The following COL14A1 variants were observed in gnomAD, a reference collection of about 807,000 sequenced individuals.
COL14A1 encodes the protein collagen alpha-1(XIV) chain.
In COL14A1, 136 loss-of-function variants were observed where a neutral mutation model predicts 230.3. That is an observed-to-expected ratio of 0.59 (90% CI 0.51 to 0.68). The LOEUF is 0.68. Ranked by LOEUF, COL14A1 falls within the 30% of genes least tolerant of loss-of-function variation. The pLI is 0.00. For missense variants in COL14A1, 1,976 were observed against 2,215.8 expected (o/e 0.89, Z 2.17); for synonymous variants, 792 against 784.1 (o/e 1.01, Z -0.17).
At chr8:120,227,821 C>G (rs1047597358) in intron 17 of COL14A1, among the ~76,000 whole-genome samples, 1 of 152,204 alleles carries the variant, frequency 6.6e-6, no homozygotes, top group South Asian at 2.1e-4. Flanking sequence ...ATTCATTCAT[C>G]TCTTCATTTT....
chr8:120,283,668 A>G lies in COL14A1; in HGVS notation c.3857A>G (p.Tyr1286Cys). The change falls in exon 32 of 48, where the codon TAC becomes TGC. Residue 1286 changes from tyrosine (Y) to cysteine (C), a missense_variant. By Grantham distance (194) the Tyr-to-Cys change is radical. This residue lies in a region of COL14A1 where 1,791 missense variants were observed against 2,019.5 expected (regional missense o/e 0.89). Transcript: ENST00000297848. ...YLHPEGLPSD[Y>C]TISFLFRILP... ...CACCCAGAAGGATTGCCCTCCGACT[A>G]CACAATCAGTTTTCTATTCCGGATT... The G allele has an allele frequency of 1.2e-6, 2 of 1,613,594 alleles. No homozygotes were observed. The highest frequency in any genetic ancestry group is 1.7e-6 in the Non-Finnish European group (2 of 1,179,832).
intron 45 of COL14A1, among the ~76,000 whole-genome samples, chr8:120,351,605 A>T (rs1822784054): frequency 7.1e-6 from 1 of 140,388 alleles, no homozygotes. Context: ...GAATACTACC[A>T]ACACCTCTAT....
chr8:120,279,086 T>G (rs1048677829), intron 28 of COL14A1, among the ~76,000 whole-genome samples: 1 of 125,162 alleles, frequency 8.0e-6, no homozygotes, highest in Non-Finnish European at 1.6e-5. Context: ...CACTCATAAG[T>G]GGGAGCTGAA....
intron 5 of COL14A1, among the ~76,000 whole-genome samples, chr8:120,184,228 T>TTGATTGATTG (rs1563657225): frequency 3.6e-5 from 2 of 55,414 alleles, no homozygotes; most frequent in African/African-American, 1.1e-4. Context: ...GGAAGAGATT[T>TTGATTGATTG]ATTTATTTAT....
chr8:120,191,896 TG>T (rs1441941626), intron 5 of COL14A1, among the ~76,000 whole-genome samples: 3 of 152,126 alleles, frequency 2.0e-5, no homozygotes, highest in African/African-American at 7.2e-5. Context: ...TCCATTTGCT[TG>T]GTAGATCTTC....
At chr8:120,333,462 G>C (rs899844199) in intron 42 of COL14A1, among the ~76,000 whole-genome samples, 5 of 152,204 alleles carry the variant, frequency 3.3e-5, no homozygotes, top group Admixed American at 2.0e-4. Context: ...ATATTTATCT[G>C]TGAATTGCTA....
intron 45 of COL14A1, among the ~76,000 whole-genome samples, chr8:120,366,476 A>C (rs562926158): frequency 6.6e-6 from 1 of 152,352 alleles, no homozygotes; most frequent in South Asian, 2.1e-4. Flanking sequence ...CTTGGGCCTC[A>C]ATATAGGCGC....
At chr8:120,185,825 T>G (rs560438475) in intron 5 of COL14A1, among the ~76,000 whole-genome samples, 1 of 152,310 alleles carries the variant, frequency 6.6e-6, no homozygotes, top group Admixed American at 6.5e-5. Flanking sequence ...CAGGCTGCAG[T>G]GCAATGGCGT....
intron 5 of COL14A1, among the ~76,000 whole-genome samples, chr8:120,174,262 ATT>A (rs5894516): frequency 0.017 from 2,454 of 146,290 alleles, 56 homozygotes; most frequent in African/African-American, 0.055. Flanking sequence ...TTGGATTGGC[ATT>A]TTTTTTTTTT....
chr8:120,234,297 C>G (rs1020692181), intron 19 of COL14A1, among the ~76,000 whole-genome samples: 1 of 152,062 alleles, frequency 6.6e-6, no homozygotes, highest in South Asian at 2.1e-4. Flanking sequence ...ATTTGAATAC[C>G]CTTTATCACT....
At chr8:120,330,917 C>T (rs745918637) in intron 40 of COL14A1, among the ~76,000 whole-genome samples, 9 of 152,042 alleles carry the variant, frequency 5.9e-5, no homozygotes, top group Admixed American at 6.6e-5. Context: ...ACGAGTCTGA[C>T]GAACATGGAG....
At chr8:120,346,354 T>A (rs1822508884) in intron 45 of COL14A1, among the ~76,000 whole-genome samples, 2 of 152,184 alleles carry the variant, frequency 1.3e-5, no homozygotes, top group African/African-American at 4.8e-5. Context: ...CAGGGTTGCA[T>A]GTTAACCGTG....
intron 14 of COL14A1, among the ~76,000 whole-genome samples, chr8:120,218,986 A>C (rs2130785088): frequency 6.6e-6 from 1 of 151,898 alleles, no homozygotes; most frequent in South Asian, 2.1e-4. Context: ...CTTTGGTAAT[A>C]ATTTTTAATA....
At chr8:120,283,605 C>A (rs192802422) in intron 31 of COL14A1, 31 bp from the exon 32 acceptor site, 1 of 1,566,866 alleles carries the variant, frequency 6.4e-7, no homozygotes, top group East Asian at 2.3e-5. Context: ...AGGAAGGATA[C>A]AATGAAACAT....
At chr8:120,301,528 A>G (rs142332774) in intron 36 of COL14A1, among the ~76,000 whole-genome samples, 1 of 152,266 alleles carries the variant, frequency 6.6e-6, no homozygotes, top group Non-Finnish European at 1.5e-5. Context: ...CACAAAAGAC[A>G]TGATCTTGAT....
rs187561376 is a variant in COL14A1 at position 120,367,568 on chromosome 8, A to G, written c.5155+320A>G. On this transcript the variant is annotated intron_variant, in intron 46 of 47. Transcript: ENST00000297848. ...CACAATCACACAAAGTTTCATATGA[A>G]TAAGGTAGCTCTCTTCCATCTCAGA... 1.6e-3 allele frequency among the ~76,000 whole-genome samples: 249 copies of G among 152,288 alleles called. 2 individuals are homozygous for G. In the Middle Eastern group the frequency reaches 0.02, roughly 12 times the overall value.
chr8:120,145,516 G>T (rs1316535179), intron 1 of COL14A1, among the ~76,000 whole-genome samples: 1 of 152,162 alleles, frequency 6.6e-6, no homozygotes, highest in Non-Finnish European at 1.5e-5. Context: ...CTACTTGGGA[G>T]GCTGAGGCAG....
At chr8:120,231,373 T>C (rs1277956524) in intron 18 of COL14A1, 94 bp from the exon 19 acceptor site, 3 of 1,329,508 alleles carry the variant, frequency 2.3e-6, no homozygotes, top group African/African-American at 1.5e-5. Context: ...ATACATTAAA[T>C]GATGCTTGCT....
At chr8:120,221,571 C>T (rs1817937108) in intron 14 of COL14A1, among the ~76,000 whole-genome samples, 1 of 151,850 alleles carries the variant, frequency 6.6e-6, no homozygotes, top group Non-Finnish European at 1.5e-5. Context: ...CACACACACA[C>T]ACACACACAC....
Sources: allele counts gnomAD v4.1 joint callset (sites outside exome capture counted in the v4.1 genomes callset), GRCh38; gene constraint gnomAD v4.1.1; regional missense constraint gnomAD v4.1.1; transcripts MANE v1.5; gene names NCBI Gene and HGNC (gene_info 2026-07-23, HGNC 2026-07-21).